Variants in PTPRK observed in about 807,000 individuals in gnomAD.
PTPRK encodes protein tyrosine phosphatase receptor type K, also known as receptor-type tyrosine-protein phosphatase kappa.
In PTPRK, 75 loss-of-function variants were observed where a neutral mutation model predicts 178.0. The ratio of observed to expected loss-of-function variants is 0.42; its 90% CI spans 0.35 to 0.51. The LOEUF is 0.51. PTPRK is among the 20% of genes least tolerant of loss of function. The probability of loss-of-function intolerance (pLI) is 0.02; values close to 1 mark genes in which losing one functional copy is unlikely to be tolerated. For synonymous variants in PTPRK, 637 were observed against 620.6 expected, an observed-to-expected ratio of 1.03 and a Z score of -0.39; for missense variants, 1,441 against 1,797.8, an observed-to-expected ratio of 0.80 and a Z score of 3.59.
intron 1 of PTPRK, among the ~76,000 whole-genome samples, chr6:128,424,817 A>G (rs911614296): frequency 1.3e-5 from 2 of 152,228 alleles, no homozygotes; most frequent in African/African-American, 4.8e-5. Flanking sequence ...CACTAATGCT[A>G]AAATCTTCCT....
At chr6:128,385,191 G>A (rs2128359549) in intron 2 of PTPRK, among the ~76,000 whole-genome samples, 1 of 151,426 alleles carries the variant, frequency 6.6e-6, no homozygotes, top group Admixed American at 6.6e-5. Context: ...TAACACTTCT[G>A]ATTCTTCCTT....
At chr6:128,409,854 A>AG (rs1210000803) in intron 1 of PTPRK, among the ~76,000 whole-genome samples, 2 of 152,206 alleles carry the variant, frequency 1.3e-5, no homozygotes, top group African/African-American at 2.4e-5. Flanking sequence ...CATGATTATG[A>AG]GGCCTCCCCA....
intron 13 of PTPRK, among the ~76,000 whole-genome samples, chr6:128,020,498 G>T (rs2114759374): frequency 6.6e-6 from 1 of 152,120 alleles, no homozygotes; most frequent in African/African-American, 2.4e-5. Context: ...CTTCTTCAGG[G>T]AAAAATCTAA....
intron 13 of PTPRK, among the ~76,000 whole-genome samples, chr6:128,033,057 C>T (rs765326728): frequency 1.3e-5 from 2 of 152,140 alleles, no homozygotes; most frequent in Non-Finnish European, 2.9e-5. Flanking sequence ...GGTGAAGATA[C>T]TACAGGGCTC....
rs114063513 is a variant in PTPRK at position 128,219,287 on chromosome 6, G to A, written c.694-191C>T. On this transcript the variant is annotated intron_variant, in intron 5 of 29. Transcript: ENST00000368226. ...GAAAGCAGTGGTCCTCAACCTTTTC[G>A]GCACAAAAGACCAGTTTCCTGGAAG... Among the ~76,000 whole-genome samples the A allele has an allele frequency of 5.6e-3, 846 of 151,388 alleles. 3 individuals carry two copies. Among genetic ancestry groups the A allele is most frequent in the African/African-American group, 0.019 (801 of 41,468 alleles).
At chr6:128,032,440 G>C (rs1775501895) in intron 13 of PTPRK, among the ~76,000 whole-genome samples, 2 of 152,174 alleles carry the variant, frequency 1.3e-5, no homozygotes, top group Non-Finnish European at 2.9e-5. Flanking sequence ...AAAGGCCACA[G>C]CTCTAATAGC....
At chr6:128,477,235 G>C (rs1851479602) in intron 1 of PTPRK, among the ~76,000 whole-genome samples, 4 of 152,038 alleles carry the variant, frequency 2.6e-5, no homozygotes, top group Admixed American at 2.6e-4. Flanking sequence ...ATGTATTATA[G>C]CTAGGCAAGA....
chr6:127,982,294 ACGGAGTCT>A (rs1253363614), intron 24 of PTPRK, among the ~76,000 whole-genome samples: 1 of 151,822 alleles, frequency 6.6e-6, no homozygotes. Flanking sequence ...TTTTTCTGAG[ACGGAGTCT>A]CGCTCTGTTG....
intron 1 of PTPRK, among the ~76,000 whole-genome samples, chr6:128,423,985 CA>C (rs1336656649): frequency 6.7e-6 from 1 of 150,050 alleles, no homozygotes; most frequent in Non-Finnish European, 1.5e-5. Context: ...CTTTGGGAGA[CA>C]AAGGCAGGAG....
chr6:128,312,373 T>A (rs1827363377), intron 3 of PTPRK, among the ~76,000 whole-genome samples: 1 of 152,130 alleles, frequency 6.6e-6, no homozygotes, highest in Non-Finnish European at 1.5e-5. Flanking sequence ...GAGGTTCCTG[T>A]GGAAGCCAAC....
At chr6:128,397,269 T>C (rs1467938742) in intron 2 of PTPRK, among the ~76,000 whole-genome samples, 2 of 152,356 alleles carry the variant, frequency 1.3e-5, no homozygotes, top group South Asian at 4.1e-4. Flanking sequence ...GAAAGGATTT[T>C]TTTTTGTTTA....
intron 3 of PTPRK, among the ~76,000 whole-genome samples, chr6:128,252,387 C>T (rs1175728568): frequency 1.3e-5 from 2 of 152,026 alleles, no homozygotes; most frequent in Non-Finnish European, 2.9e-5. Flanking sequence ...CACTTGTAAA[C>T]GATTATCAAT....
At chr6:128,286,074 T>C (rs1822458985) in intron 3 of PTPRK, among the ~76,000 whole-genome samples, 1 of 152,102 alleles carries the variant, frequency 6.6e-6, no homozygotes, top group South Asian at 2.1e-4. Context: ...GGGTAAAGAC[T>C]GGGCTCTTGC....
intron 1 of PTPRK, among the ~76,000 whole-genome samples, chr6:128,401,932 T>C (rs186338833): frequency 5.3e-5 from 8 of 152,302 alleles, no homozygotes; most frequent in Admixed American, 2.6e-4. Flanking sequence ...ACTTTGCTCA[T>C]GTAAGTGATT....
intron 2 of PTPRK, among the ~76,000 whole-genome samples, chr6:128,323,406 A>T (rs1829107014): frequency 6.6e-6 from 1 of 152,144 alleles, no homozygotes; most frequent in Non-Finnish European, 1.5e-5. Context: ...TTTCTTTGCT[A>T]GCATGTAATT....
At position 128,241,781 on chromosome 6, in the gene PTPRK, C is replaced by CTT. The variant is rs930513368; in HGVS notation, c.577+738_577+739dup. On this transcript the variant is annotated intron_variant, in intron 4 of 29. Coordinates refer to ENST00000368226, the MANE Select transcript of PTPRK (RefSeq NM_002844.4). Reference sequence around the variant, plus strand: ...CCGAGTTTCTTGTTTTGTTTGCTTTCTTTTTTTTTTTTTTTTTGAGACGGA... The same window carrying CTT: ...CCGAGTTTCTTGTTTTGTTTGCTTTCTTTTTTTTTTTTTTTTTTTGAGACGGA... 2.9e-3 allele frequency among the ~76,000 whole-genome samples: 377 copies of CTT among 132,144 alleles called. 5 individuals carry two copies. Among genetic ancestry groups the CTT allele is most frequent in the African/African-American group, 9.3e-3 (330 of 35,452 alleles). 86.7% of individuals were successfully genotyped at this position (132,144 alleles called of 152,430 possible).
At chr6:128,305,749 A>T (rs1826277423) in intron 3 of PTPRK, among the ~76,000 whole-genome samples, 1 of 152,212 alleles carries the variant, frequency 6.6e-6, no homozygotes, top group Non-Finnish European at 1.5e-5. Context: ...TACACAAATG[A>T]ATTGTTATTA....
At chr6:128,390,370 A>C (rs936706107) in intron 2 of PTPRK, among the ~76,000 whole-genome samples, 15 of 152,162 alleles carry the variant, frequency 9.9e-5, no homozygotes, top group Non-Finnish European at 1.2e-4. Flanking sequence ...AAGGGATGAG[A>C]ATATCATAGA....
At chr6:128,280,235 G>C (rs1448046276) in intron 3 of PTPRK, among the ~76,000 whole-genome samples, 1 of 152,030 alleles carries the variant, frequency 6.6e-6, no homozygotes, top group Non-Finnish European at 1.5e-5. Context: ...GGTATCCTAC[G>C]CCAGACTCTC....
Sources: allele counts gnomAD v4.1 joint callset (sites outside exome capture counted in the v4.1 genomes callset), GRCh38; gene constraint gnomAD v4.1.1; transcripts MANE v1.5; gene names NCBI Gene and HGNC (gene_info 2026-07-23, HGNC 2026-07-21).